Variants in GXYLT2 observed in about 807,000 individuals in gnomAD.
GXYLT2 encodes the protein glycosyltransferase 8 domain containing 4.
In GXYLT2, 53 loss-of-function variants were observed where a neutral mutation model predicts 45.8. The ratio of observed to expected loss-of-function variants is 1.16; its 90% confidence interval spans 0.93 to 1.46. The LOEUF is 1.46. GXYLT2 is among the 40% of genes most tolerant of loss of function. The pLI, the probability that GXYLT2 is intolerant of heterozygous loss-of-function variation, is 0.00. For synonymous variants in GXYLT2, 219 were observed against 214.2 expected (o/e 1.02, Z -0.19); for missense variants, 551 against 544.4 (o/e 1.01, Z -0.12).
rs565548280 is a variant in GXYLT2 at position 72,888,497 on chromosome 3, G to A, written c.264G>A (p.Glu88=). The A allele has an allele frequency of 2.4e-6, 3 of 1,243,462 alleles. No individual in the cohort carries two copies. The highest frequency in any genetic ancestry group is 3.2e-5 in the African/African-American group (2 of 63,364). The allele number at this position is 1,243,462 out of a possible 1,614,324, so 77.0% of individuals were successfully genotyped here. ...RAGRRGAARL[E]KLARRPGEPR... ...GCCGCCGGGGCGCTGCGAGACTGGA[G>A]AAGTTGGCGAGGTGAGTCGTGGCAA... The change falls in exon 1 of 7, where the codon GAG becomes GAA. Residue 88 remains glutamate, a synonymous_variant. Coordinates refer to ENST00000389617, the MANE Select transcript of GXYLT2 (RefSeq NM_001080393.2).
chr3:72,939,201 T>A (rs1286310885), intron 3 of GXYLT2, among the ~76,000 whole-genome samples: 1 of 152,212 alleles, frequency 6.6e-6, no homozygotes, highest in African/African-American at 2.4e-5. Flanking sequence ...ATTTATTTTA[T>A]TACAAACTCC....
chr3:72,935,231 T>TA (rs1710153830), intron 3 of GXYLT2, among the ~76,000 whole-genome samples: 1 of 152,044 alleles, frequency 6.6e-6, no homozygotes, highest in South Asian at 2.1e-4. Context: ...TTTAGAGGAT[T>TA]AAAAAAACCT....
intron 3 of GXYLT2, among the ~76,000 whole-genome samples, chr3:72,945,122 C>A (rs996321347): frequency 2.4e-4 from 33 of 136,484 alleles, no homozygotes; most frequent in East Asian, 6.6e-4. Context: ...ACTAAAACTA[C>A]AAAAAAAAAA....
At chr3:72,937,862 T>C (rs1173896160) in intron 3 of GXYLT2, among the ~76,000 whole-genome samples, 1 of 152,222 alleles carries the variant, frequency 6.6e-6, no homozygotes, top group Non-Finnish European at 1.5e-5. Context: ...CATCCCTGCT[T>C]TAGTTTTCCA....
intron 3 of GXYLT2, among the ~76,000 whole-genome samples, chr3:72,928,848 A>G (rs866185576): frequency 6.6e-6 from 1 of 152,122 alleles, no homozygotes; most frequent in Admixed American, 6.5e-5. Flanking sequence ...ACTTTGCCAG[A>G]CGTTCCTCGC....
At chr3:72,894,684 C>T (rs1186250663) in intron 1 of GXYLT2, among the ~76,000 whole-genome samples, 2 of 152,234 alleles carry the variant, frequency 1.3e-5, no homozygotes, top group Non-Finnish European at 2.9e-5. Flanking sequence ...TCGTCCTGCC[C>T]CGTGGAACAC....
chr3:72,904,877 CAAAAAAA>C lies in GXYLT2; in HGVS notation c.276-3475_276-3469del, dbSNP rs774693806. On this transcript the variant is annotated intron_variant, in intron 1 of 6. Coordinates refer to ENST00000389617, the MANE Select transcript of GXYLT2 (RefSeq NM_001080393.2). ...CAAAACCCCATCTCTACTAAAGATA[CAAAAAAA>C]AAAAAAAAAAAAAATTAACCAGGTG... 2.3e-4 allele frequency among the ~76,000 whole-genome samples: 7 copies of C among 30,654 alleles called. No individual in the cohort carries two copies. In the East Asian group the frequency reaches 2.4e-3, roughly 10 times the overall value. 20.1% of individuals were successfully genotyped at this position (30,654 alleles called of 152,430 possible).
chr3:72,888,497 GA>G lies in GXYLT2; in HGVS notation c.266del (p.Lys89SerfsTer61). 8.0e-7 allele frequency: 1 copy of G among 1,243,462 alleles called. No homozygotes were observed. The allele number at this position is 1,243,462 out of a possible 1,614,324, so 77.0% of individuals were successfully genotyped here. ...GCCGCCGGGGCGCTGCGAGACTGGA[GA>G]AGTTGGCGAGGTGAGTCGTGGCAAC... ...AGRRGAARLEKLARRPGEPRS... is the reference protein window; with the variant it reads ...AGRRGAARLEXLARRPGEPRS... On this transcript the variant is annotated frameshift_variant, in exon 1 of 7. Transcript: ENST00000389617. LOFTEE classifies it high-confidence loss of function.
At chr3:72,954,210 C>T (rs1391485148) in intron 3 of GXYLT2, among the ~76,000 whole-genome samples, 3 of 152,026 alleles carry the variant, frequency 2.0e-5, no homozygotes, top group Non-Finnish European at 4.4e-5. Flanking sequence ...CGGGTTCAAG[C>T]GATTCTTCTG....
chr3:72,909,088 A>T (rs1169099397), intron 2 of GXYLT2, among the ~76,000 whole-genome samples: 1 of 35,772 alleles, frequency 2.8e-5, no homozygotes, highest in African/African-American at 1.6e-4. Flanking sequence ...TTTTTTTTTG[A>T]GACAGCGGCT....
Position 72,888,278 on chromosome 3 carries a change from G to A in GXYLT2, c.45G>A (p.Leu15=), listed in dbSNP as rs551431157. The change falls in exon 1 of 7, where the codon CTG becomes CTA. Residue 15 remains leucine, a synonymous_variant. Coordinates refer to ENST00000389617, the MANE Select transcript of GXYLT2 (RefSeq NM_001080393.2). ...CGGCGGCGCTGCTCTTGCTCGCGCT[G>A]GCCGCGCTGCTGCTGGCGCTGCTGT... is the stretch of plus-strand genomic sequence containing the variant. ...SKAAALLLLA[L]AALLLALLSL... is the part of the protein sequence containing the mutation. 1 of 994,550 alleles carries A rather than the reference G, an allele frequency of 1.0e-6. No individual in the cohort carries two copies. Among genetic ancestry groups the A allele is most frequent in the Middle Eastern group, 5.1e-4 (1 of 1,956 alleles). The allele number at this position is 994,550 out of a possible 1,614,324, so 61.6% of individuals were successfully genotyped here.
intron 3 of GXYLT2, among the ~76,000 whole-genome samples, chr3:72,938,739 CA>C (rs1056992650): frequency 6.6e-6 from 1 of 152,230 alleles, no homozygotes; most frequent in Non-Finnish European, 1.5e-5. Context: ...AGATACTTTT[CA>C]GTTACGCAAG....
chr3:72,929,084 C>A (rs1709976108), intron 3 of GXYLT2: 2 of 1,590,146 alleles, frequency 1.3e-6, no homozygotes, highest in African/African-American at 1.3e-5. Flanking sequence ...GAGCTACCAC[C>A]AGGACTCAGA....
At chr3:72,970,045 C>A (rs1248035476) in intron 6 of GXYLT2, among the ~76,000 whole-genome samples, 2 of 151,394 alleles carry the variant, frequency 1.3e-5, no homozygotes, top group African/African-American at 4.9e-5. Flanking sequence ...ATAGTGAGAC[C>A]CCATCTCAAA....
chr3:72,920,290 G>A (rs545020987), intron 2 of GXYLT2, among the ~76,000 whole-genome samples: 4 of 151,820 alleles, frequency 2.6e-5, no homozygotes, highest in East Asian at 1.9e-4. Flanking sequence ...GTGCCTCACC[G>A]CTCCTGGCTA....
intron 3 of GXYLT2, among the ~76,000 whole-genome samples, chr3:72,934,913 G>A (rs887494540): frequency 1.3e-5 from 2 of 152,180 alleles, no homozygotes; most frequent in Non-Finnish European, 2.9e-5. Flanking sequence ...CACTGACATG[G>A]AAGGATTCCC....
intron 1 of GXYLT2, among the ~76,000 whole-genome samples, chr3:72,892,178 A>G (rs139245437): frequency 2.9e-3 from 439 of 152,352 alleles, no homozygotes; most frequent in African/African-American, 9.9e-3. Flanking sequence ...CAGCTCAGAC[A>G]TTTGATGATC....
Position 72,955,089 on chromosome 3 carries a change from C to T in GXYLT2, c.601-9C>T. 1 of 1,613,046 alleles carries T rather than the reference C, an allele frequency of 6.2e-7. No individual in the cohort carries two copies. Among genetic ancestry groups the T allele is most frequent in the African/African-American group, 1.3e-5 (1 of 75,044 alleles). ...CTCTCCCCTTTACACCCACTCCTTA[C>T]ACACAAAGGTGATTTTAAAGGATGT... On this transcript the variant is annotated splice_polypyrimidine_tract_variant and intron_variant, in intron 3 of 6. Coordinates refer to ENST00000389617, the MANE Select transcript of GXYLT2 (RefSeq NM_001080393.2).
rs528283248 is a variant in GXYLT2, at chr3:72,893,601, A to G, written c.275+5093A>G. On this transcript the variant is annotated intron_variant, in intron 1 of 6. Transcript: ENST00000389617. ...TTTCACTAACTCCTAAAACAGAGATAGATGATCTCATAGCAGATATTCAAT... is the reference window on the plus strand; with the variant it reads ...TTTCACTAACTCCTAAAACAGAGATGGATGATCTCATAGCAGATATTCAAT... Among the ~76,000 whole-genome samples, 3 of 152,052 alleles carry G rather than the reference A, an allele frequency of 2.0e-5. No homozygotes were observed. The East Asian group carries it at 5.8e-4, about 29-fold the overall frequency.
Sources: gnomAD v4.1 joint callset for allele counts (sites outside exome capture counted in the v4.1 genomes callset) on GRCh38, gnomAD v4.1.1 for gene constraint, MANE v1.5 for transcripts, NCBI Gene and HGNC (gene_info 2026-07-23, HGNC 2026-07-21) for gene names.